PCCA: variants seen among roughly 807,000 people sequenced by gnomAD.
PCCA encodes propionyl-CoA carboxylase alpha chain, mitochondrial.
Under a neutral mutation model 101.3 loss-of-function variants are expected in PCCA, and 74 were observed. The ratio of observed to expected loss-of-function variants is 0.73; its 90% confidence interval spans 0.61 to 0.89. The LOEUF is 0.89. Ranked by LOEUF, PCCA falls within the 40% of genes least tolerant of loss-of-function variation. The probability of loss-of-function intolerance (pLI) is 0.00; values close to 1 mark genes in which losing one functional copy is unlikely to be tolerated. For missense variants in PCCA, 891 were observed against 907.0 expected (o/e 0.98, Z 0.23); for synonymous variants, 294 against 313.6 (o/e 0.94, Z 0.66).
At chr13:100,112,869 C>A (rs1322305078) in intron 4 of PCCA, among the ~76,000 whole-genome samples, 1 of 95,926 alleles carries the variant, frequency 1.0e-5, no homozygotes, top group African/African-American at 4.5e-5. Context: ...AGCCACCACA[C>A]CCGGCCCACA....
At chr13:100,414,520 A>C (rs1203783215) in intron 19 of PCCA, among the ~76,000 whole-genome samples, 1 of 152,226 alleles carries the variant, frequency 6.6e-6, no homozygotes, top group Admixed American at 6.5e-5. Flanking sequence ...GAGTTTTGTC[A>C]TGCTTTGCCT....
intron 6 of PCCA, among the ~76,000 whole-genome samples, chr13:100,173,940 C>T (rs1172889568): frequency 6.6e-6 from 1 of 152,198 alleles, no homozygotes; most frequent in African/African-American, 2.4e-5. Context: ...TCACTTGCCA[C>T]CATGATTGTG....
chr13:100,115,281 A>G (rs557115603), intron 4 of PCCA, among the ~76,000 whole-genome samples: 132 of 152,104 alleles, frequency 8.7e-4, no homozygotes, highest in African/African-American at 3.1e-3. Context: ...GGCAGGGTGT[A>G]TGGAGCGGGA....
chr13:100,287,686 G>T (rs1267487490), intron 12 of PCCA, among the ~76,000 whole-genome samples: 1 of 151,930 alleles, frequency 6.6e-6, no homozygotes, highest in Non-Finnish European at 1.5e-5. Context: ...TTTCTTTTCT[G>T]TAGGCATGGC....
At chr13:100,527,234 T>G in intron 22 of PCCA, 1 of 461,958 alleles carries the variant, frequency 2.2e-6, no homozygotes. Flanking sequence ...GGAACATTTT[T>G]ATCACTCTCA....
rs755675433 is a variant in PCCA, at chr13:100,516,022, C to T, written c.2040+455C>T. On this transcript the variant is annotated intron_variant, in intron 22 of 23. Coordinates refer to ENST00000376285, the MANE Select transcript of PCCA (RefSeq NM_000282.4). Reference sequence around the variant, plus strand: ...TTCTGCAATCTGTACAGTACCAGAGCACTTCCATTACTTGGTAAATAAAAT... The same window carrying T: ...TTCTGCAATCTGTACAGTACCAGAGTACTTCCATTACTTGGTAAATAAAAT... 7.9e-5 allele frequency among the ~76,000 whole-genome samples: 12 copies of T among 152,356 alleles called. No homozygotes were observed. In the Middle Eastern group the frequency reaches 0.01, roughly 130 times the overall value.
chr13:100,174,490 G>C (rs1452323365), intron 6 of PCCA, among the ~76,000 whole-genome samples: 1 of 148,904 alleles, frequency 6.7e-6, no homozygotes, highest in Non-Finnish European at 1.5e-5. Context: ...ACTTTGGGGA[G>C]GCCAAATCAG....
intron 21 of PCCA, among the ~76,000 whole-genome samples, chr13:100,450,365 G>A (rs933358754): frequency 6.6e-6 from 1 of 151,688 alleles, no homozygotes; most frequent in Non-Finnish European, 1.5e-5. Flanking sequence ...CTGCCCTCTA[G>A]CTTGTGTGAC....
intron 16 of PCCA, among the ~76,000 whole-genome samples, chr13:100,319,735 G>A (rs1408909505): frequency 2.6e-5 from 4 of 152,160 alleles, no homozygotes; most frequent in African/African-American, 4.8e-5. Flanking sequence ...TTTGGTTACT[G>A]TAGCCTTGTA....
chr13:100,405,987 G>A (rs1184710106), intron 19 of PCCA, among the ~76,000 whole-genome samples: 10 of 151,844 alleles, frequency 6.6e-5, no homozygotes, highest in African/African-American at 2.2e-4. Context: ...GGATGGTCTC[G>A]ATCTCTTGAC....
rs929816091 is a variant in PCCA at position 100,444,797 on chromosome 13, A to T, written c.1846-4455A>T. ...CGCCTCGGTCTCCCAAAGTGCTGGGATTATAGGTGTGAGCCACCGTTCCCA... is the reference window on the plus strand; with the variant it reads ...CGCCTCGGTCTCCCAAAGTGCTGGGTTTATAGGTGTGAGCCACCGTTCCCA... On this transcript the variant is annotated intron_variant, in intron 20 of 23. Coordinates refer to ENST00000376285, the MANE Select transcript of PCCA (RefSeq NM_000282.4). 9.2e-5 allele frequency among the ~76,000 whole-genome samples: 14 copies of T among 152,174 alleles called. 1 individual carries two copies. The highest frequency in any genetic ancestry group is 3.4e-4 in the African/African-American group (14 of 41,536).
chr13:100,131,196 C>A (rs1032760067), intron 4 of PCCA, among the ~76,000 whole-genome samples: 1 of 152,054 alleles, frequency 6.6e-6, no homozygotes, highest in Non-Finnish European at 1.5e-5. Flanking sequence ...TCTGTGCAAA[C>A]GAAGGATTCA....
chr13:100,158,342 ATGT>A (rs1305344519), intron 6 of PCCA, among the ~76,000 whole-genome samples: 1 of 152,206 alleles, frequency 6.6e-6, no homozygotes, highest in African/African-American at 2.4e-5. Flanking sequence ...TTATTTGTGA[ATGT>A]TGTTATTTTC....
intron 12 of PCCA, among the ~76,000 whole-genome samples, chr13:100,280,517 C>G (rs925934119): frequency 1.3e-5 from 2 of 152,130 alleles, no homozygotes; most frequent in Non-Finnish European, 2.9e-5. Flanking sequence ...CCTGCACACC[C>G]ACACCACACA....
At chr13:100,145,428 A>G (rs2052415607) in intron 4 of PCCA, among the ~76,000 whole-genome samples, 1 of 152,210 alleles carries the variant, frequency 6.6e-6, no homozygotes, top group African/African-American at 2.4e-5. Context: ...CTGGGGGACA[A>G]AATTGCTCCA....
intron 6 of PCCA, among the ~76,000 whole-genome samples, chr13:100,199,645 A>G (rs963483117): frequency 6.6e-6 from 1 of 152,162 alleles, no homozygotes; most frequent in African/African-American, 2.4e-5. Flanking sequence ...TCTTTTTAAG[A>G]TATAAGCAGA....
chr13:100,309,984 A>C (rs986318080), intron 16 of PCCA, 76 bp downstream of exon 16: 4 of 1,029,082 alleles, frequency 3.9e-6, no homozygotes, highest in Middle Eastern at 2.0e-4. Context: ...GGGTTTACCA[A>C]TGAGAATATG....
intron 16 of PCCA, among the ~76,000 whole-genome samples, chr13:100,321,898 A>C (rs2068088057): frequency 6.6e-6 from 1 of 152,072 alleles, no homozygotes; most frequent in South Asian, 2.1e-4. Context: ...TCTAGTATAA[A>C]AGGATGCATA....
chr13:100,520,898 C>A (rs2087234530), intron 22 of PCCA, among the ~76,000 whole-genome samples: 1 of 152,078 alleles, frequency 6.6e-6, no homozygotes. Context: ...AAGGTGTTTT[C>A]TTTGTTTTCA....
Sources: gnomAD v4.1 joint callset for allele counts (sites outside exome capture counted in the v4.1 genomes callset) on GRCh38, gnomAD v4.1.1 for gene constraint, MANE v1.5 for transcripts, NCBI Gene and HGNC (gene_info 2026-07-23, HGNC 2026-07-21) for gene names.